CFAP251: variants seen among roughly 807,000 people sequenced by gnomAD.
CFAP251 encodes cilia and flagella associated protein 251.
In CFAP251, 93 loss-of-function variants were observed where a neutral mutation model predicts 126.7. The ratio of observed to expected loss-of-function variants is 0.73; its 90% CI spans 0.62 to 0.87. The LOEUF (loss-of-function observed/expected upper bound fraction) is 0.87, where lower values mean the gene tolerates loss of function less well. Among genes scored for constraint, CFAP251 ranks in the 40% least tolerant of loss-of-function variants. The pLI is 0.00. For missense variants in CFAP251, 1,287 were observed against 1,389.2 expected, an observed-to-expected ratio of 0.93 and a Z score of 1.17; for synonymous variants, 503 against 506.9, an observed-to-expected ratio of 0.99 and a Z score of 0.10.
chr12:121,979,521 G>A (rs1330709576), intron 19 of CFAP251, among the ~76,000 whole-genome samples: 1 of 147,722 alleles, frequency 6.8e-6, no homozygotes. Flanking sequence ...GAGAGGGAGG[G>A]GCTCAACACA....
intron 17 of CFAP251, among the ~76,000 whole-genome samples, chr12:121,972,312 T>C (rs1882354935): frequency 6.6e-6 from 1 of 152,192 alleles, no homozygotes; most frequent in Non-Finnish European, 1.5e-5. Flanking sequence ...GATAGTGATA[T>C]GGACAATAAG....
intron 20 of CFAP251, 125 bp from the exon 21 acceptor site, chr12:122,001,371 AT>A: frequency 1.1e-6 from 1 of 945,916 alleles, no homozygotes; most frequent in Non-Finnish European, 1.7e-6. Flanking sequence ...TTTTTTTTCA[AT>A]TGAGTAAAAG....
intron 10 of CFAP251, among the ~76,000 whole-genome samples, chr12:121,954,655 A>AC (rs926277057): frequency 2.0e-5 from 3 of 149,388 alleles, no homozygotes; most frequent in Non-Finnish European, 4.5e-5. Context: ...AAAAAAAAAA[A>AC]AAAAAAAAAA....
intron 8 of CFAP251, 35 bp downstream of exon 8, chr12:121,949,096 G>C (rs1198590554): frequency 7.1e-6 from 10 of 1,399,102 alleles, no homozygotes; most frequent in African/African-American, 5.8e-5. Flanking sequence ...TTTAAATGTG[G>C]GTAGAAGTAT....
chr12:121,974,425 T>A lies in CFAP251; in HGVS notation c.2772-819T>A, dbSNP rs908175939. 2.6e-5 allele frequency among the ~76,000 whole-genome samples: 4 copies of A among 152,190 alleles called. No individual in the cohort carries two copies. Among genetic ancestry groups the A allele is most frequent in the African/African-American group, 9.7e-5 (4 of 41,432 alleles). On this transcript the variant is annotated intron_variant, in intron 17 of 21. Transcript: ENST00000288912. The surrounding 1 kb of genome is among the most constrained non-coding windows in gnomAD (Gnocchi z 4.6). ...GAGGCAGAATCGTCTCATTTTATAG[T>A]GGAGGACACTGATGCCAGGGGGGTT...
intron 10 of CFAP251, chr12:121,955,824 A>T (rs58026220): frequency 0.037 from 5,667 of 152,274 alleles, 142 homozygotes; most frequent in Middle Eastern, 0.054. Flanking sequence ...GTTGGGGTTT[A>T]GGATCCAGTG....
At chr12:121,961,875 T>G in intron 14 of CFAP251, 103 bp from the exon 15 acceptor site, 1 of 1,224,916 alleles carries the variant, frequency 8.2e-7, no homozygotes, top group Non-Finnish European at 1.2e-6. Flanking sequence ...ACAGCACTGT[T>G]GGCTGATAAT....
intron 5 of CFAP251, among the ~76,000 whole-genome samples, chr12:121,941,347 T>TC (rs1881106842): frequency 6.7e-6 from 1 of 149,586 alleles, no homozygotes; most frequent in Admixed American, 6.7e-5. Context: ...TTTTTTTTTT[T>TC]TTTTGAGGCA....
intron 19 of CFAP251, among the ~76,000 whole-genome samples, chr12:121,996,535 C>G (rs900575565): frequency 6.6e-6 from 1 of 152,136 alleles, no homozygotes; most frequent in South Asian, 2.1e-4. Flanking sequence ...TGACATAAGG[C>G]GTCCTGTGAG....
chr12:121,969,538 T>C (rs1882264371), intron 17 of CFAP251: 1 of 961,734 alleles, frequency 1.0e-6, no homozygotes, highest in African/African-American at 1.8e-5. Context: ...CAGGCTGTAG[T>C]ACAGAGGTGT....
rs934687905 is a variant in CFAP251, at chr12:121,931,844, G to A, written c.846G>A (p.Ala282=). The change falls in exon 4 of 22, where the codon GCG becomes GCA. Residue 282 remains alanine, a synonymous_variant. Coordinates refer to ENST00000288912, the MANE Select transcript of CFAP251 (RefSeq NM_144668.6). The part of the protein sequence containing the change: ...RVLLYVCAHT[A]IIYNVFRNNQ... ...TTCTGTATGTTTGTGCTCACACTGCGATCATCTACAACGTGTTCAGGAACA... is the reference window on the plus strand; with the variant it reads ...TTCTGTATGTTTGTGCTCACACTGCAATCATCTACAACGTGTTCAGGAACA... 7 of 1,603,892 alleles carry A rather than the reference G, an allele frequency of 4.4e-6. No homozygotes were observed. Among genetic ancestry groups the A allele is most frequent in the East Asian group, 2.3e-5 (1 of 44,026 alleles).
intron 16 of CFAP251, among the ~76,000 whole-genome samples, chr12:121,967,377 G>A (rs754130853): frequency 8.5e-5 from 13 of 152,214 alleles, no homozygotes; most frequent in African/African-American, 1.7e-4. Context: ...GTTACACTTT[G>A]TTGTACATTT....
chr12:121,957,043 T>C, intron 10 of CFAP251, 31 bp from the exon 11 acceptor site: 2 of 1,525,262 alleles, frequency 1.3e-6, no homozygotes, highest in South Asian at 2.6e-5. Flanking sequence ...ATTATTGCTA[T>C]TTGCAAAACT....
chr12:121,922,635 T>G (rs1020087839), intron 2 of CFAP251, among the ~76,000 whole-genome samples: 1 of 152,048 alleles, frequency 6.6e-6, no homozygotes, highest in Non-Finnish European at 1.5e-5. Flanking sequence ...AACTTAGCTG[T>G]GGCCTAAGAA....
intron 19 of CFAP251, among the ~76,000 whole-genome samples, chr12:121,987,067 T>A (rs1882766885): frequency 6.6e-6 from 1 of 152,192 alleles, no homozygotes; most frequent in Non-Finnish European, 1.5e-5. Flanking sequence ...TGGTTCAGCC[T>A]CACCCATAAC....
At chr12:121,926,607 T>C (rs2135746808) in intron 3 of CFAP251, among the ~76,000 whole-genome samples, 1 of 152,212 alleles carries the variant, frequency 6.6e-6, no homozygotes, top group South Asian at 2.1e-4. Context: ...AGATTATAGG[T>C]GTGAGCTACC....
At chr12:122,000,144 A>C (rs1030992469) in intron 20 of CFAP251, among the ~76,000 whole-genome samples, 200 bp downstream of exon 20, 1 of 152,222 alleles carries the variant, frequency 6.6e-6, no homozygotes, top group African/African-American at 2.4e-5. Flanking sequence ...GGAGCTAGAA[A>C]GCAAAAGAAT....
chr12:121,948,911 T>A (rs1881422634), intron 7 of CFAP251, 73 bp from the exon 8 acceptor site: 2 of 860,254 alleles, frequency 2.3e-6, no homozygotes, highest in Admixed American at 5.5e-5. Flanking sequence ...AAAATTATTA[T>A]TTAATTTTAA....
chr12:122,003,126 A>G (rs1883184630), intron 21 of CFAP251, among the ~76,000 whole-genome samples: 1 of 152,184 alleles, frequency 6.6e-6, no homozygotes, highest in African/African-American at 2.4e-5. Context: ...GTTTGCAGAG[A>G]TTTGGTTAAC....
Sources: allele counts gnomAD v4.1 joint callset (sites outside exome capture counted in the v4.1 genomes callset), GRCh38; gene constraint gnomAD v4.1.1; non-coding constraint Gnocchi (gnomAD v3.1); transcripts MANE v1.5; gene names NCBI Gene and HGNC (gene_info 2026-07-23, HGNC 2026-07-21).